Variants in CCDC93 observed in about 807,000 individuals in gnomAD.
The protein encoded by CCDC93 is CCC complex scaffolding subunit CCDC93.
In CCDC93, 61 loss-of-function variants were observed where a neutral mutation model predicts 108.2. The ratio of observed to expected loss-of-function variants is 0.56; its 90% CI spans 0.46 to 0.70. CCDC93 has a LOEUF of 0.70. CCDC93 is among the 30% of genes least tolerant of loss of function. The pLI, the probability that CCDC93 is intolerant of heterozygous loss-of-function variation, is 0.00. For missense variants in CCDC93, 685 were observed against 764.2 expected (o/e 0.90, Z 1.22); for synonymous variants, 276 against 260.4 (o/e 1.06, Z -0.58).
intron 3 of CCDC93, among the ~76,000 whole-genome samples, chr2:118,001,340 A>G (rs979119855): frequency 6.6e-6 from 1 of 152,164 alleles, no homozygotes; most frequent in African/African-American, 2.4e-5. Flanking sequence ...AGTATTCTAA[A>G]TATCAGGCAA....
At chr2:117,923,206 G>A (rs1677941452) in intron 23 of CCDC93, among the ~76,000 whole-genome samples, 1 of 152,218 alleles carries the variant, frequency 6.6e-6, no homozygotes. Context: ...GAAGACGGGT[G>A]ATGTCTGCAT....
chr2:118,000,287 A>G (rs17584828), intron 4 of CCDC93: 59,533 of 152,498 alleles, frequency 0.39, 12,287 homozygotes, highest in East Asian at 0.67. Flanking sequence ...GGATTAGCGG[A>G]TGAGGGAAGG....
intron 11 of CCDC93, among the ~76,000 whole-genome samples, chr2:117,960,646 C>G (rs552927352): frequency 1.3e-5 from 2 of 152,178 alleles, no homozygotes; most frequent in Non-Finnish European, 2.9e-5. Context: ...TGCAGGAAAA[C>G]CAGCAGCCAT....
intron 22 of CCDC93, among the ~76,000 whole-genome samples, chr2:117,932,213 C>A (rs757437697): frequency 6.6e-6 from 1 of 152,150 alleles, no homozygotes; most frequent in Non-Finnish European, 1.5e-5. Context: ...ACGGTACAGA[C>A]CGGGTGCCTG....
intron 7 of CCDC93, chr2:117,985,562 A>T (rs1194452358): frequency 1.5e-5 from 3 of 200,802 alleles, no homozygotes; most frequent in African/African-American, 7.1e-5. Flanking sequence ...TTAAGAAGTG[A>T]CAAAACTACT....
At chr2:117,969,801 T>C (rs1015222745) in intron 11 of CCDC93, among the ~76,000 whole-genome samples, 3 of 152,186 alleles carry the variant, frequency 2.0e-5, no homozygotes, top group Non-Finnish European at 4.4e-5. Flanking sequence ...GCTTTAACCT[T>C]GATTCATTTT....
In CCDC93 at chr2:117,916,596, G is replaced by A. The variant is rs917262007; in HGVS notation, c.*3747C>T. 5.3e-5 allele frequency: 8 copies of A among 152,228 alleles called. No homozygotes were observed. Among genetic ancestry groups the A allele is most frequent in the Non-Finnish European group, 1.0e-4 (7 of 68,040 alleles). 9.4% of individuals were successfully genotyped at this position (152,228 alleles called of 1,614,324 possible). On this transcript the variant is annotated 3_prime_UTR_variant, in exon 24 of 24. Coordinates refer to ENST00000376300, the MANE Select transcript of CCDC93 (RefSeq NM_019044.5). ...GTCAGTCATCTACCTTGAGCTAGAT[G>A]CTGGGGAGAGTGTGGTAAGACAAGC... is the stretch of plus-strand genomic sequence containing the variant.
chr2:117,956,309 A>C (rs1046496586), intron 12 of CCDC93, among the ~76,000 whole-genome samples: 1 of 152,248 alleles, frequency 6.6e-6, no homozygotes, highest in African/African-American at 2.4e-5. Context: ...ACTCTGGGTA[A>C]AAGTGTTCTG....
chr2:117,983,199 C>A (rs1043908818), intron 7 of CCDC93, among the ~76,000 whole-genome samples: 2 of 152,132 alleles, frequency 1.3e-5, no homozygotes, highest in African/African-American at 4.8e-5. Context: ...TCCAGAAAGT[C>A]ATTTATTAAC....
Position 118,013,976 on chromosome 2 carries a change from G to A in CCDC93, c.20C>T (p.Pro7Leu), listed in dbSNP as rs1677091471. The change falls in exon 1 of 24, where the codon CCG becomes CTG. Residue 7 changes from proline (P) to leucine (L), a missense_variant. Pro to Leu is a moderately conservative substitution (Grantham distance 98). Coordinates refer to ENST00000376300, the MANE Select transcript of CCDC93 (RefSeq NM_019044.5). ...TACCTCCGGGAGACCCTGGCCCTCC[G>A]GCCCCCTGGGCAACCCCATGATCCG... MGLPRG[P>L]EGQGLPEVET... The A allele has an allele frequency of 1.3e-6, 2 of 1,594,896 alleles. No homozygotes were observed. The highest frequency in any genetic ancestry group is 8.5e-7 in the Non-Finnish European group (1 of 1,172,274).
At chr2:117,997,828 A>T (rs1680705822) in intron 4 of CCDC93, 1 of 152,214 alleles carries the variant, frequency 6.6e-6, no homozygotes, top group Admixed American at 6.5e-5. Flanking sequence ...CTCATTGCTC[A>T]ACTCAATTCA....
intron 23 of CCDC93, among the ~76,000 whole-genome samples, chr2:117,929,341 C>A (rs1032841188): frequency 6.6e-6 from 1 of 152,148 alleles, no homozygotes; most frequent in Non-Finnish European, 1.5e-5. Flanking sequence ...AGAGGCCTGG[C>A]AAGAATCTGG....
chr2:117,949,541 A>T (rs1678983856), intron 13 of CCDC93, 146 bp from the exon 14 acceptor site: 2 of 662,710 alleles, frequency 3.0e-6, no homozygotes, highest in Non-Finnish European at 5.1e-6. Flanking sequence ...TAATTACATC[A>T]TACAACAGAA....
At chr2:117,939,915 G>A (rs1329402606) in intron 19 of CCDC93, among the ~76,000 whole-genome samples, 2 of 152,202 alleles carry the variant, frequency 1.3e-5, no homozygotes, top group African/African-American at 4.8e-5. Flanking sequence ...GTGAAGCTGG[G>A]TGAAGTGGGC....
At chr2:117,955,063 A>G (rs1481148131) in intron 12 of CCDC93, among the ~76,000 whole-genome samples, 1 of 152,196 alleles carries the variant, frequency 6.6e-6, no homozygotes, top group Non-Finnish European at 1.5e-5. Flanking sequence ...CAGCAGGGTG[A>G]GAATGGACTA....
intron 22 of CCDC93, chr2:117,935,067 T>C (rs1678478614): frequency 6.5e-6 from 1 of 152,900 alleles, no homozygotes; most frequent in South Asian, 2.1e-4. Context: ...CTCGAGATCC[T>C]AAGATTCCTA....
intron 13 of CCDC93, chr2:117,951,819 G>C: frequency 2.9e-6 from 1 of 341,980 alleles, no homozygotes; most frequent in Non-Finnish European, 4.3e-6. Flanking sequence ...ATGTGAAGTA[G>C]CACACTTGCA....
At chr2:117,989,939 A>C (rs1178120055) in intron 6 of CCDC93, among the ~76,000 whole-genome samples, 3 of 152,232 alleles carry the variant, frequency 2.0e-5, no homozygotes, top group Non-Finnish European at 4.4e-5. Context: ...AGTCTCTTAG[A>C]TGATCCGGTA....
intron 22 of CCDC93, chr2:117,934,134 GT>G (rs1448456181): frequency 6.6e-6 from 1 of 152,178 alleles, no homozygotes; most frequent in African/African-American, 2.4e-5. Context: ...AATTCATGGA[GT>G]TTTTTCCTTT....
Sources: gnomAD v4.1 joint callset for allele counts (sites outside exome capture counted in the v4.1 genomes callset) on GRCh38, gnomAD v4.1.1 for gene constraint, MANE v1.5 for transcripts, NCBI Gene and HGNC (gene_info 2026-07-23, HGNC 2026-07-21) for gene names.